Variants in ESRRG observed in about 807,000 individuals in gnomAD.
The protein encoded by ESRRG is estrogen-related receptor gamma.
Under a neutral mutation model 44.0 loss-of-function variants are expected in ESRRG, and 13 were observed. That is an observed-to-expected ratio of 0.30 (90% CI 0.19 to 0.47). ESRRG has a LOEUF of 0.47. Ranked by LOEUF, ESRRG falls within the 20% of genes least tolerant of loss-of-function variation. The pLI is 1.00. For missense variants in ESRRG, 395 were observed against 580.6 expected (o/e 0.68, Z 3.29); for synonymous variants, 215 against 214.6 (o/e 1.00, Z -0.02).
In ESRRG at chr1:216,818,595, C is replaced by CT. The variant is rs542753363; in HGVS notation, c.-14+120986dup. ...ATCTTCCAGTGGCTGCTGTGGGTTT[C>CT]TTTTTTTTTTTCCTTCAACTTTCAT... On this transcript the variant is annotated intron_variant, in intron 2 of 7. Coordinates refer to the ESRRG transcript ENST00000359162. Among the ~76,000 whole-genome samples, 781 of 147,218 alleles carry CT rather than the reference C, an allele frequency of 5.3e-3. 4 individuals carry two copies. The highest frequency in any genetic ancestry group is 0.016 in the African/African-American group (641 of 40,290).
intron 2 of ESRRG, among the ~76,000 whole-genome samples, chr1:216,821,835 T>C (rs2095304797): frequency 6.6e-6 from 1 of 151,966 alleles, no homozygotes; most frequent in African/African-American, 2.4e-5. Flanking sequence ...ACTTGTGTCT[T>C]ACAGTGCTAT....
intron 5 of ESRRG, among the ~76,000 whole-genome samples, chr1:216,553,961 T>C (rs1447699895): frequency 6.6e-6 from 1 of 152,166 alleles, no homozygotes; most frequent in Non-Finnish European, 1.5e-5. Flanking sequence ...GGGGGCGTTA[T>C]GACCATTTAG....
chr1:216,987,240 T>G (rs1418118269), intron 1 of ESRRG, among the ~76,000 whole-genome samples: 1 of 152,240 alleles, frequency 6.6e-6, no homozygotes, highest in Non-Finnish European at 1.5e-5. Flanking sequence ...CATTTTTAGT[T>G]TGATATCCTT....
chr1:216,965,585 A>G (rs1010623863), intron 1 of ESRRG, among the ~76,000 whole-genome samples: 3 of 151,938 alleles, frequency 2.0e-5, no homozygotes, highest in Non-Finnish European at 4.4e-5. Flanking sequence ...TTCCCTACTC[A>G]AGTGGTTCTA....
At chr1:216,823,936 C>A (rs901181225) in intron 2 of ESRRG, among the ~76,000 whole-genome samples, 3 of 152,082 alleles carry the variant, frequency 2.0e-5, no homozygotes, top group African/African-American at 7.2e-5. Flanking sequence ...TTGTATATAC[C>A]CTTCACAAAA....
At chr1:216,598,286 A>G (rs1248259138) in intron 3 of ESRRG, among the ~76,000 whole-genome samples, 1 of 152,254 alleles carries the variant, frequency 6.6e-6, no homozygotes, top group Non-Finnish European at 1.5e-5. Context: ...TTAAGCTCTA[A>G]GCAGGTTTAG....
intron 1 of ESRRG, among the ~76,000 whole-genome samples, chr1:217,050,469 G>A (rs1176821804): frequency 1.3e-5 from 2 of 152,162 alleles, no homozygotes; most frequent in Non-Finnish European, 2.9e-5. Flanking sequence ...CATTCTGCAC[G>A]TGAGTGAAGA....
intron 1 of ESRRG, chr1:216,714,985 G>T: frequency 6.3e-6 from 4 of 635,504 alleles, no homozygotes; most frequent in Non-Finnish European, 7.8e-6. Context: ...CTCTGCCTGA[G>T]CTTCTGTGCA....
At chr1:216,754,159 G>A (rs1207561507) in intron 2 of ESRRG, among the ~76,000 whole-genome samples, 4 of 151,972 alleles carry the variant, frequency 2.6e-5, no homozygotes, top group African/African-American at 4.8e-5. Context: ...ACAAAAACCC[G>A]AAACCTTCTT....
intron 1 of ESRRG, among the ~76,000 whole-genome samples, chr1:217,023,397 G>A (rs2080674226): frequency 6.6e-6 from 1 of 152,088 alleles, no homozygotes; most frequent in South Asian, 2.1e-4. Context: ...CATCCAGAGG[G>A]AGTTTCCTGG....
chr1:216,681,475 G>C (rs1407206087), intron 1 of ESRRG, among the ~76,000 whole-genome samples: 1 of 151,956 alleles, frequency 6.6e-6, no homozygotes, highest in Non-Finnish European at 1.5e-5. Context: ...CCCAGTGTGT[G>C]ATGTTCCCCT....
Position 216,905,548 on chromosome 1 carries a change from C to T in ESRRG, c.-14+34034G>A, listed in dbSNP as rs565956327. Among the ~76,000 whole-genome samples the T allele has an allele frequency of 2.0e-5, 3 of 152,224 alleles. No homozygotes were observed. The East Asian group carries it at 5.8e-4, about 29-fold the overall frequency. On this transcript the variant is annotated intron_variant, in intron 2 of 7. Coordinates refer to the ESRRG transcript ENST00000359162. Reference sequence around the variant, plus strand: ...ACCACCCTCTAGAATTCTGGATAGTCCTCTTTGTATACTTACGTAATAACG... The same window carrying T: ...ACCACCCTCTAGAATTCTGGATAGTTCTCTTTGTATACTTACGTAATAACG...
intron 1 of ESRRG, among the ~76,000 whole-genome samples, chr1:217,127,315 G>A (rs1046096352): frequency 7.9e-5 from 12 of 152,088 alleles, no homozygotes; most frequent in Admixed American, 4.6e-4. Flanking sequence ...TCTTATGTTA[G>A]CAGTAACAAA....
intron 1 of ESRRG, among the ~76,000 whole-genome samples, chr1:217,101,700 C>A (rs796137143): frequency 1.3e-5 from 2 of 152,270 alleles, no homozygotes; most frequent in African/African-American, 4.8e-5. Flanking sequence ...CATGCATATT[C>A]ATTTAGTTTA....
At chr1:217,056,628 A>T (rs1352012562) in intron 1 of ESRRG, among the ~76,000 whole-genome samples, 1 of 151,528 alleles carries the variant, frequency 6.6e-6, no homozygotes, top group Non-Finnish European at 1.5e-5. Context: ...CACAATTTAC[A>T]ATACTATGAG....
chr1:216,546,894 TTGCTGCA>T (rs1047509155), intron 5 of ESRRG, among the ~76,000 whole-genome samples: 3 of 151,824 alleles, frequency 2.0e-5, no homozygotes, highest in African/African-American at 7.3e-5. Context: ...CCATGGTGGT[TTGCTGCA>T]CCCGTCAAAC....
chr1:216,546,133 T>C (rs1415509924), intron 5 of ESRRG, among the ~76,000 whole-genome samples: 2 of 151,998 alleles, frequency 1.3e-5, no homozygotes, highest in African/African-American at 2.4e-5. Flanking sequence ...CTGTGCGAGG[T>C]AGGCTATTTA....
chr1:216,680,110 T>C lies in ESRRG; in HGVS notation c.57-2619A>G, dbSNP rs1277793543. 7.9e-5 allele frequency among the ~76,000 whole-genome samples: 12 copies of C among 152,352 alleles called. No individual in the cohort carries two copies. The East Asian group carries it at 2.3e-3, about 29-fold the overall frequency. ...CCAACTGGATTTGTGCTGTAGGTTG[T>C]ACGTGTTTTTGGCCTGCCACGAACT... On this transcript the variant is annotated intron_variant, in intron 1 of 6. Transcript: ENST00000408911.
At chr1:217,085,107 A>G (rs1166333) in intron 1 of ESRRG, among the ~76,000 whole-genome samples, 49,347 of 151,946 alleles carry the variant, frequency 0.32, 9,278 homozygotes, top group South Asian at 0.49. Context: ...TTGTGAATCA[A>G]GGATGAGTAA....
Sources: allele counts gnomAD v4.1 joint callset (sites outside exome capture counted in the v4.1 genomes callset), GRCh38; gene constraint gnomAD v4.1.1; transcripts MANE v1.5; gene names NCBI Gene and HGNC (gene_info 2026-07-23, HGNC 2026-07-21).